The following MSRA variants were observed in gnomAD, a reference collection of about 807,000 sequenced individuals.
The protein encoded by MSRA is mitochondrial peptide methionine sulfoxide reductase.
MSRA carries 54 observed loss-of-function variants against 31.3 expected under a neutral mutation model. That is an observed-to-expected ratio of 1.73 (90% confidence interval 1.39 to 2.17). The LOEUF (loss-of-function observed/expected upper bound fraction) is 2.17, where lower values mean the gene tolerates loss of function less well. Among genes scored for constraint, MSRA ranks in the 30% most tolerant of loss-of-function variants. MSRA has a pLI of 0.00. For synonymous variants in MSRA, 169 were observed against 116.5 expected, an observed-to-expected ratio of 1.45 and a Z score of -2.90; for missense variants, 507 against 300.9, an observed-to-expected ratio of 1.69 and a Z score of -5.07.
chr8:10,325,940 A>T (rs1279288807), intron 5 of MSRA, among the ~76,000 whole-genome samples: 1 of 152,218 alleles, frequency 6.6e-6, no homozygotes, highest in African/African-American at 2.4e-5. Context: ...TATGGTCTAG[A>T]ACTCTGTACT....
chr8:10,239,555 C>T (rs1812230091), intron 2 of MSRA, among the ~76,000 whole-genome samples: 1 of 152,232 alleles, frequency 6.6e-6, no homozygotes, highest in Admixed American at 6.5e-5. Context: ...GATCCTCCTA[C>T]ACTGCTTATA....
At chr8:10,409,701 G>A (rs1808040888) in intron 5 of MSRA, among the ~76,000 whole-genome samples, 1 of 152,216 alleles carries the variant, frequency 6.6e-6, no homozygotes, top group South Asian at 2.1e-4. Context: ...ACATGCACGT[G>A]CTTGTCCTTG....
chr8:10,373,171 G>T (rs551458009), intron 5 of MSRA, among the ~76,000 whole-genome samples: 2 of 152,228 alleles, frequency 1.3e-5, no homozygotes, highest in Non-Finnish European at 1.5e-5. Flanking sequence ...GATTACAAGC[G>T]TGAGCCACCG....
At chr8:10,219,409 T>C (rs1810284667) in intron 2 of MSRA, among the ~76,000 whole-genome samples, 1 of 152,230 alleles carries the variant, frequency 6.6e-6, no homozygotes, top group Non-Finnish European at 1.5e-5. Flanking sequence ...CCACTTCTTT[T>C]TTAATCTCAT....
intron 1 of MSRA, among the ~76,000 whole-genome samples, chr8:10,121,741 G>C (rs1023499521): frequency 6.6e-6 from 1 of 151,816 alleles, no homozygotes; most frequent in Non-Finnish European, 1.5e-5. Context: ...TATGATCATA[G>C]CTTACTACGG....
intron 2 of MSRA, among the ~76,000 whole-genome samples, chr8:10,237,317 G>A (rs2952240): frequency 7.9e-5 from 12 of 152,114 alleles, no homozygotes; most frequent in African/African-American, 2.7e-4. Flanking sequence ...GCTACTGTCC[G>A]GGGAAAATCA....
At chr8:10,398,306 G>T (rs1242098383) in intron 5 of MSRA, among the ~76,000 whole-genome samples, 2 of 152,318 alleles carry the variant, frequency 1.3e-5, no homozygotes, top group East Asian at 1.9e-4. Flanking sequence ...TAGTGAAAGG[G>T]CTGGATTCTG....
intron 3 of MSRA, among the ~76,000 whole-genome samples, chr8:10,265,772 C>T (rs1223148926): frequency 6.6e-6 from 1 of 152,250 alleles, no homozygotes; most frequent in Non-Finnish European, 1.5e-5. Context: ...CCTTCCTCAC[C>T]CCGCAGCCCT....
chr8:10,420,332 T>A (rs1456177232), intron 5 of MSRA, among the ~76,000 whole-genome samples: 4 of 151,784 alleles, frequency 2.6e-5, no homozygotes, highest in Non-Finnish European at 5.9e-5. Flanking sequence ...TGTATTTTTA[T>A]TAGAATTATT....
At chr8:10,234,405 A>C (rs1339692960) in intron 2 of MSRA, among the ~76,000 whole-genome samples, 1 of 152,150 alleles carries the variant, frequency 6.6e-6, no homozygotes, top group Non-Finnish European at 1.5e-5. Flanking sequence ...TTTGGAAAAC[A>C]TAGTGAAGTG....
chr8:10,190,606 T>A (rs1244138665), intron 1 of MSRA, among the ~76,000 whole-genome samples: 1 of 152,238 alleles, frequency 6.6e-6, no homozygotes, highest in East Asian at 1.9e-4. Context: ...GCACTTTCTG[T>A]CAGTCCGTGT....
chr8:10,133,625 A>G (rs1047228208), intron 1 of MSRA, among the ~76,000 whole-genome samples: 6 of 152,154 alleles, frequency 3.9e-5, no homozygotes, highest in Admixed American at 6.6e-5. Context: ...CACAGTGGGG[A>G]AAAAAGACCT....
chr8:10,265,820 C>G (rs992930065), intron 3 of MSRA, among the ~76,000 whole-genome samples: 1 of 152,242 alleles, frequency 6.6e-6, no homozygotes, highest in African/African-American at 2.4e-5. Flanking sequence ...CCTGTCATGA[C>G]AGGTGTGTTT....
intron 1 of MSRA, among the ~76,000 whole-genome samples, chr8:10,101,762 C>T (rs918462864): frequency 2.6e-5 from 4 of 152,164 alleles, no homozygotes; most frequent in African/African-American, 9.7e-5. Context: ...TATGGACAGA[C>T]CACATTTTCT....
At chr8:10,344,001 A>C (rs2129152964) in intron 5 of MSRA, among the ~76,000 whole-genome samples, 1 of 152,254 alleles carries the variant, frequency 6.6e-6, no homozygotes, top group East Asian at 1.9e-4. Context: ...CCCAAAGATC[A>C]CTTTGAAGAT....
chr8:10,251,116 C>G (rs935726571), intron 3 of MSRA, among the ~76,000 whole-genome samples: 4 of 152,062 alleles, frequency 2.6e-5, no homozygotes, highest in Non-Finnish European at 5.9e-5. Context: ...ACCCCCTTTT[C>G]CAAATGCGTG....
At position 10,207,829 on chromosome 8, in the gene MSRA, C is replaced by A. The variant is rs75147399; in HGVS notation, c.143-4C>A. 3 of 1,494,772 alleles carry A rather than the reference C, an allele frequency of 2.0e-6. No homozygotes were observed. Among genetic ancestry groups the A allele is most frequent in the Admixed American group, 2.1e-5 (1 of 47,708 alleles). 92.6% of individuals were successfully genotyped at this position (1,494,772 alleles called of 1,614,324 possible). ...AACTTGCATTTCTTTTTTTTTTTTT[C>A]TAGCCAAACATCATGTCAATGGCAA... is the stretch of plus-strand genomic sequence containing the variant. On this transcript the variant is annotated splice_region_variant and splice_polypyrimidine_tract_variant and intron_variant, in intron 1 of 5. Coordinates refer to ENST00000317173, the MANE Select transcript of MSRA (RefSeq NM_012331.5).
intron 2 of MSRA, among the ~76,000 whole-genome samples, chr8:10,240,669 G>C (rs1324041357): frequency 2.0e-5 from 3 of 152,168 alleles, no homozygotes; most frequent in Non-Finnish European, 2.9e-5. Flanking sequence ...TGAGTCCACA[G>C]CTGTCCTGAA....
chr8:10,149,250 T>TA (rs1803440269), intron 1 of MSRA, among the ~76,000 whole-genome samples: 1 of 152,096 alleles, frequency 6.6e-6, no homozygotes, highest in African/African-American at 2.4e-5. Flanking sequence ...GCCTCCCAAG[T>TA]ATCTGGGATT....
Sources: allele counts gnomAD v4.1 joint callset (sites outside exome capture counted in the v4.1 genomes callset), GRCh38; gene constraint gnomAD v4.1.1; transcripts MANE v1.5; gene names NCBI Gene and HGNC (gene_info 2026-07-23, HGNC 2026-07-21).